Variants in ADORA2B observed in about 807,000 individuals in gnomAD.
ADORA2B encodes adenosine A2b receptor.
In ADORA2B, 18 loss-of-function variants were observed where a neutral mutation model predicts 20.8. The ratio of observed to expected loss-of-function variants is 0.87; its 90% CI spans 0.60 to 1.29. The LOEUF (loss-of-function observed/expected upper bound fraction) is 1.29, where lower values mean the gene tolerates loss of function less well. ADORA2B is among the 50% of genes most tolerant of loss of function. The pLI, the probability that ADORA2B is intolerant of heterozygous loss-of-function variation, is 0.00. For missense variants in ADORA2B, 441 were observed against 422.7 expected, an observed-to-expected ratio of 1.04 and a Z score of -0.38; for synonymous variants, 179 against 178.3, an observed-to-expected ratio of 1.00 and a Z score of -0.03.
the ADORA2B span, among the ~76,000 whole-genome samples, chr17:15,883,699 T>A: frequency 6.6e-6 from 1 of 152,090 alleles, no homozygotes; most frequent in Non-Finnish European, 1.5e-5. Flanking sequence ...GGAGGCAGAG[T>A]CTAAGGTGGA....
the ADORA2B span, among the ~76,000 whole-genome samples, chr17:15,852,456 A>G: frequency 6.6e-6 from 1 of 152,298 alleles, no homozygotes; most frequent in African/African-American, 2.4e-5. Context: ...CTCAACTTAT[A>G]GCCACATTAA....
intron 1 of ADORA2B, among the ~76,000 whole-genome samples, chr17:15,950,822 A>G (rs902632127): frequency 2.0e-5 from 3 of 152,014 alleles, no homozygotes; most frequent in African/African-American, 7.3e-5. Flanking sequence ...ATTCCCACCC[A>G]TGGTCTTTGC....
intron 1 of ADORA2B, among the ~76,000 whole-genome samples, chr17:15,951,467 G>A (rs1415682364): frequency 6.6e-6 from 1 of 152,208 alleles, no homozygotes; most frequent in Non-Finnish European, 1.5e-5. Flanking sequence ...GTCCTCCATT[G>A]TTAGCACACA....
At chr17:15,897,895 T>C in the ADORA2B span, among the ~76,000 whole-genome samples, 57 of 152,306 alleles carry the variant, frequency 3.7e-4, no homozygotes, top group Admixed American at 1.6e-3. Context: ...TCTGAAACAA[T>C]AGACAGTTTT....
the ADORA2B span, among the ~76,000 whole-genome samples, chr17:15,895,757 T>C: frequency 6.6e-6 from 1 of 152,178 alleles, no homozygotes; most frequent in African/African-American, 2.4e-5. Context: ...TATTTAAAGC[T>C]GTCAGAGTGG....
At chr17:15,899,607 C>A in the ADORA2B span, among the ~76,000 whole-genome samples, 3 of 152,182 alleles carry the variant, frequency 2.0e-5, no homozygotes, top group African/African-American at 7.2e-5. Context: ...TCCATTCCCT[C>A]TCTTGTAGTC....
intron 1 of ADORA2B, among the ~76,000 whole-genome samples, chr17:15,955,392 T>C (rs1331176121): frequency 6.6e-6 from 1 of 151,466 alleles, no homozygotes; most frequent in Non-Finnish European, 1.5e-5. Context: ...GGGATTCTTT[T>C]TTTGTTTTTT....
chr17:15,962,706 CG>C (rs1196957339), intron 1 of ADORA2B, among the ~76,000 whole-genome samples: 1 of 151,908 alleles, frequency 6.6e-6, no homozygotes, highest in Non-Finnish European at 1.5e-5. Flanking sequence ...TTAGTAGAGA[CG>C]GGGTTTCACC....
At chr17:15,958,171 A>G (rs973494361) in intron 1 of ADORA2B, among the ~76,000 whole-genome samples, 2 of 152,252 alleles carry the variant, frequency 1.3e-5, no homozygotes, top group South Asian at 4.2e-4. Context: ...GGCGTGCGCC[A>G]CTGCATCCGG....
At chr17:15,905,873 C>T in the ADORA2B span, among the ~76,000 whole-genome samples, 4 of 152,084 alleles carry the variant, frequency 2.6e-5, no homozygotes, top group African/African-American at 7.2e-5. Flanking sequence ...CCAGGCTGGT[C>T]GCGAACTCCT....
At chr17:15,872,981 G>T in the ADORA2B span, among the ~76,000 whole-genome samples, 1 of 152,152 alleles carries the variant, frequency 6.6e-6, no homozygotes, top group Non-Finnish European at 1.5e-5. Context: ...TCTTGTTCCT[G>T]TTCTCATGGG....
chr17:15,945,177 C>G lies in ADORA2B; in HGVS notation c.-72C>G. 7.8e-7 allele frequency: 1 copy of G among 1,285,176 alleles called. No homozygotes were observed. The highest frequency in any genetic ancestry group is 1.0e-6 in the Non-Finnish European group (1 of 999,428). The allele number at this position is 1,285,176 out of a possible 1,614,324, so 79.6% of individuals were successfully genotyped here. ...GTCCGGGCGCTATGGCCATGCCCGG[C>G]GGGTCTCACGCGGCTGCCCCTCGCC... On this transcript the variant is annotated 5_prime_UTR_variant, in exon 1 of 2. Coordinates refer to ENST00000304222, the MANE Select transcript of ADORA2B (RefSeq NM_000676.4).
chr17:15,892,136 C>T, the ADORA2B span, among the ~76,000 whole-genome samples: 586 of 150,218 alleles, frequency 3.9e-3, 2 homozygotes, highest in African/African-American at 0.014. Flanking sequence ...GCTGGTATTA[C>T]AGGCGTGAGC....
chr17:15,913,128 G>GA, the ADORA2B span, among the ~76,000 whole-genome samples: 31,217 of 151,952 alleles, frequency 0.21, 3,666 homozygotes, highest in Non-Finnish European at 0.27. Context: ...GAAGCCCATG[G>GA]CACTTGCCCA....
chr17:15,922,916 A>G, the ADORA2B span, among the ~76,000 whole-genome samples: 4 of 152,122 alleles, frequency 2.6e-5, no homozygotes, highest in African/African-American at 9.7e-5. Flanking sequence ...TTTCATTTGC[A>G]TTTTGTTATA....
chr17:15,953,014 G>T (rs554194890), intron 1 of ADORA2B, among the ~76,000 whole-genome samples: 1 of 152,336 alleles, frequency 6.6e-6, no homozygotes, highest in South Asian at 2.1e-4. Context: ...GCACGGGCGG[G>T]CAGGCTTCCA....
At chr17:15,909,007 T>C in the ADORA2B span, among the ~76,000 whole-genome samples, 6 of 152,068 alleles carry the variant, frequency 3.9e-5, no homozygotes, top group Non-Finnish European at 2.9e-5. Context: ...TGCTAAAAAA[T>C]ACCCTGGCTT....
At chr17:15,904,344 C>G in the ADORA2B span, among the ~76,000 whole-genome samples, 2 of 150,920 alleles carry the variant, frequency 1.3e-5, no homozygotes, top group African/African-American at 4.9e-5. Context: ...AAACCAAGAT[C>G]ACACAGATTT....
chr17:15,879,904 T>TA, the ADORA2B span, among the ~76,000 whole-genome samples: 536 of 138,720 alleles, frequency 3.9e-3, 18 homozygotes, highest in Non-Finnish European at 5.5e-3. Context: ...CTTGAAACTT[T>TA]AAAAAAAAAA....
Sources: gnomAD v4.1 joint callset for allele counts (sites outside exome capture counted in the v4.1 genomes callset) on GRCh38, gnomAD v4.1.1 for gene constraint, MANE v1.5 for transcripts, NCBI Gene and HGNC (gene_info 2026-07-23, HGNC 2026-07-21) for gene names.